The following CADPS2 variants were observed in gnomAD, a reference collection of about 807,000 sequenced individuals.
The protein encoded by CADPS2 is calcium dependent secretion activator 2, also known as calcium-dependent secretion activator 2.
CADPS2 carries 93 observed loss-of-function variants against 172.5 expected under a neutral mutation model. That is an observed-to-expected ratio of 0.54 (90% CI 0.46 to 0.64). The LOEUF is 0.64. Ranked by LOEUF, CADPS2 falls within the 30% of genes least tolerant of loss-of-function variation. The pLI, the probability that CADPS2 is intolerant of heterozygous loss-of-function variation, is 0.00. For synonymous variants in CADPS2, 546 were observed against 555.2 expected (o/e 0.98, Z 0.23); for missense variants, 1,420 against 1,565.9 (o/e 0.91, Z 1.57).
At chr7:122,829,879 A>C (rs1224319345) in intron 1 of CADPS2, among the ~76,000 whole-genome samples, 1 of 152,232 alleles carries the variant, frequency 6.6e-6, no homozygotes, top group Non-Finnish European at 1.5e-5. Flanking sequence ...AGCCAAGCTA[A>C]TTCAAAATAG....
At chr7:122,491,491 CA>C in intron 9 of CADPS2, 71 bp from the exon 10 acceptor site, 8 of 690,472 alleles carry the variant, frequency 1.2e-5, no homozygotes, top group Non-Finnish European at 1.7e-5. Flanking sequence ...GTTTTTTTAT[CA>C]AAATACTCTT....
chr7:122,539,144 T>C (rs2062640386), intron 8 of CADPS2, among the ~76,000 whole-genome samples: 1 of 152,130 alleles, frequency 6.6e-6, no homozygotes, highest in Non-Finnish European at 1.5e-5. Flanking sequence ...AGTTCATGTG[T>C]CAGACACTTA....
chr7:122,800,370 C>G (rs527643750), intron 1 of CADPS2, among the ~76,000 whole-genome samples: 5 of 152,052 alleles, frequency 3.3e-5, no homozygotes, highest in Non-Finnish European at 5.9e-5. Flanking sequence ...AAAATTTTAC[C>G]TCATAAACAG....
chr7:122,778,585 C>G (rs1562993826), intron 1 of CADPS2, among the ~76,000 whole-genome samples: 1 of 152,168 alleles, frequency 6.6e-6, no homozygotes, highest in Non-Finnish European at 1.5e-5. Context: ...CCCAGTGACC[C>G]TTTGCTGTGT....
chr7:122,608,086 G>A (rs1446699670), intron 6 of CADPS2, among the ~76,000 whole-genome samples: 1 of 151,970 alleles, frequency 6.6e-6, no homozygotes, highest in African/African-American at 2.4e-5. Flanking sequence ...GTGTGGTGGT[G>A]CATGTCTGTA....
intron 8 of CADPS2, among the ~76,000 whole-genome samples, chr7:122,530,817 C>G (rs1263222742): frequency 6.6e-6 from 1 of 152,078 alleles, no homozygotes; most frequent in Non-Finnish European, 1.5e-5. Context: ...TTCAAGTAAG[C>G]TTTTTACCTC....
At chr7:122,858,483 T>C (rs1815963738) in intron 1 of CADPS2, among the ~76,000 whole-genome samples, 2 of 152,198 alleles carry the variant, frequency 1.3e-5, no homozygotes, top group South Asian at 4.1e-4. Flanking sequence ...ATTTATAAAC[T>C]GTATGACCTT....
At chr7:122,366,857 AGGAG>A (rs1410407488) in intron 25 of CADPS2, 1 of 151,996 alleles carries the variant, frequency 6.6e-6, no homozygotes, top group Non-Finnish European at 1.5e-5. Flanking sequence ...CGTTATAGGA[AGGAG>A]GGAGTGTTTG....
chr7:122,385,540 C>A (rs1033970528), intron 24 of CADPS2, among the ~76,000 whole-genome samples: 1 of 151,902 alleles, frequency 6.6e-6, no homozygotes, highest in Non-Finnish European at 1.5e-5. Context: ...ATGTAACTTA[C>A]CTACAGGACA....
At chr7:122,509,018 A>C (rs988188179) in intron 9 of CADPS2, among the ~76,000 whole-genome samples, 6 of 152,156 alleles carry the variant, frequency 3.9e-5, no homozygotes, top group Admixed American at 2.0e-4. Flanking sequence ...GATTTTCTTG[A>C]TTTGGCAACA....
intron 25 of CADPS2, among the ~76,000 whole-genome samples, chr7:122,362,076 AAAAC>A (rs747692548): frequency 2.0e-5 from 3 of 152,180 alleles, no homozygotes; most frequent in Non-Finnish European, 4.4e-5. Context: ...TTAAAAAAGA[AAAAC>A]AAAAACAAAA....
chr7:122,453,364 C>A (rs1053979198), intron 14 of CADPS2, among the ~76,000 whole-genome samples: 2 of 151,888 alleles, frequency 1.3e-5, no homozygotes, highest in Non-Finnish European at 2.9e-5. Flanking sequence ...GAATCAATTC[C>A]CATTGAGCGA....
chr7:122,562,456 C>A (rs972507925), intron 7 of CADPS2, among the ~76,000 whole-genome samples: 11 of 152,124 alleles, frequency 7.2e-5, no homozygotes, highest in African/African-American at 2.7e-4. Context: ...ACACAACAAA[C>A]AGATTATCCT....
Position 122,563,079 on chromosome 7 carries a change from T to C in CADPS2, c.1336-8390A>G, listed in dbSNP as rs547711141. ...AGTCACTGTATTTTTCAAGGCTCAA[T>C]TAAGGATAGTGTCTTTTATTAATAT... On this transcript the variant is annotated intron_variant, in intron 7 of 29. Coordinates refer to ENST00000449022, the MANE Select transcript of CADPS2 (RefSeq NM_017954.11). Among the ~76,000 whole-genome samples, 53 of 152,274 alleles carry C rather than the reference T, an allele frequency of 3.5e-4. No individual in the cohort carries two copies. The South Asian group carries it at 5.0e-3, about 14-fold the overall frequency.
intron 6 of CADPS2, among the ~76,000 whole-genome samples, chr7:122,589,061 C>A (rs146906158): frequency 6.6e-6 from 1 of 151,908 alleles, no homozygotes. Context: ...GCTGTAGTAT[C>A]CTTTAGTTTC....
chr7:122,338,264 G>A (rs966043273), intron 28 of CADPS2, among the ~76,000 whole-genome samples: 2 of 152,144 alleles, frequency 1.3e-5, no homozygotes, highest in Non-Finnish European at 2.9e-5. Context: ...AGGCATGGTG[G>A]CACGCACCTG....
At chr7:122,761,498 A>C (rs1038056029) in intron 1 of CADPS2, among the ~76,000 whole-genome samples, 5 of 152,176 alleles carry the variant, frequency 3.3e-5, no homozygotes, top group Non-Finnish European at 7.3e-5. Context: ...ACAAGCAAGG[A>C]TTGTCTGAGA....
At chr7:122,572,547 T>C (rs1268839238) in intron 7 of CADPS2, among the ~76,000 whole-genome samples, 2 of 152,116 alleles carry the variant, frequency 1.3e-5, no homozygotes, top group East Asian at 3.9e-4. Context: ...CCTCCAAAAA[T>C]TTTTTTGTAC....
At chr7:122,749,882 A>G (rs539387575) in intron 1 of CADPS2, among the ~76,000 whole-genome samples, 1 of 152,100 alleles carries the variant, frequency 6.6e-6, no homozygotes, top group Non-Finnish European at 1.5e-5. Flanking sequence ...TTTAATTCTA[A>G]AAGCAATTCT....
Sources: gnomAD v4.1 joint callset for allele counts (sites outside exome capture counted in the v4.1 genomes callset) on GRCh38, gnomAD v4.1.1 for gene constraint, MANE v1.5 for transcripts, NCBI Gene and HGNC (gene_info 2026-07-23, HGNC 2026-07-21) for gene names.